The following XRCC1 variants were observed in gnomAD, a reference collection of about 807,000 sequenced individuals.
XRCC1 encodes the protein X-ray repair cross complementing 1, also known as DNA repair protein XRCC1.
A neutral mutation model predicts 83.3 loss-of-function variants in XRCC1; 52 were observed. The ratio of observed to expected loss-of-function variants is 0.62; its 90% CI spans 0.50 to 0.79. The LOEUF is 0.79. Among genes scored for constraint, XRCC1 ranks in the 30% least tolerant of loss-of-function variants. The probability of loss-of-function intolerance (pLI) is 0.00; values close to 1 mark genes in which losing one functional copy is unlikely to be tolerated. For missense variants in XRCC1, 793 were observed against 823.5 expected (o/e 0.96, Z 0.45); for synonymous variants, 281 against 312.6 (o/e 0.90, Z 1.07).
chr19:43,543,364 G>GTGTC lies in XRCC1; in HGVS notation c.*27_*28insGACA, dbSNP rs755650042. ...ATCGTGTGTGTGTGTGTGTGTGTGT[G>GTGTC]TGTGTGTGTGTGTGTATAGCACATA... On this transcript the variant is annotated 3_prime_UTR_variant, in exon 17 of 17. Coordinates refer to ENST00000262887, the MANE Select transcript of XRCC1 (RefSeq NM_006297.3). 5.0e-6 allele frequency: 7 copies of GTGTC among 1,405,660 alleles called. No individual in the cohort carries two copies. The African/African-American group carries it at 8.7e-5, about 17-fold the overall frequency. 87.1% of individuals were successfully genotyped at this position (1,405,660 alleles called of 1,614,324 possible). A position where few individuals can be genotyped will look rare whatever the true frequency, so the allele number is the denominator to read the frequency against.
chr19:43,564,784 G>A (rs1018556902), intron 2 of XRCC1, among the ~76,000 whole-genome samples: 1 of 131,918 alleles, frequency 7.6e-6, no homozygotes, highest in Non-Finnish European at 1.7e-5. Context: ...GCGAAACTCC[G>A]TCTCAAAAAA....
At chr19:43,570,949 G>A (rs941247422) in intron 2 of XRCC1, among the ~76,000 whole-genome samples, 1 of 152,204 alleles carries the variant, frequency 6.6e-6, no homozygotes, top group Non-Finnish European at 1.5e-5. Context: ...AAGGGTCTCT[G>A]ACGTGGAGTA....
In XRCC1 at chr19:43,543,341, C is replaced by CGTGTGTGTGTGTGTGTGTGT. The variant is rs45592142; in HGVS notation, c.*31_*50dup. The CGTGTGTGTGTGTGTGTGTGT allele has an allele frequency of 4.7e-5, 49 of 1,044,552 alleles. 1 individual carries two copies. In the African/African-American group the frequency reaches 6.4e-4, roughly 14 times the overall value. 64.7% of individuals were successfully genotyped at this position (1,044,552 alleles called of 1,614,324 possible). Reference sequence around the variant, plus strand: ...ACCAACTCATCTTTATTAAATGCATCGTGTGTGTGTGTGTGTGTGTGTGTG... The same window carrying CGTGTGTGTGTGTGTGTGTGT: ...ACCAACTCATCTTTATTAAATGCATCGTGTGTGTGTGTGTGTGTGTGTGTGTGTGTGTGTGTGTGTGTGTG... On this transcript the variant is annotated 3_prime_UTR_variant, in exon 17 of 17. Transcript: ENST00000262887.
chr19:43,556,615 C>T (rs1303675346), intron 3 of XRCC1, among the ~76,000 whole-genome samples: 1 of 152,036 alleles, frequency 6.6e-6, no homozygotes, highest in Non-Finnish European at 1.5e-5. Context: ...ACCAGCCTGG[C>T]CAACATGGTA....
chr19:43,575,333 C>T, intron 1 of XRCC1, 75 bp downstream of exon 1: 1 of 1,461,072 alleles, frequency 6.8e-7, no homozygotes. Context: ...TCCAAGAGAA[C>T]CCCAAAAGCT....
chr19:43,553,321 G>A lies in XRCC1; in HGVS notation c.601+80C>T, dbSNP rs989944781. The stretch of plus-strand genomic sequence containing the variant: ...TCCTCCCTCAGACCCAGGAATCTGA[G>A]CCCCAGCCCCCTCTACCCTCAGACC... On this transcript the variant is annotated intron_variant, in intron 6 of 16. Transcript: ENST00000262887. 15 of 1,500,578 alleles carry A rather than the reference G, an allele frequency of 1.0e-5. No individual in the cohort carries two copies. The Admixed American group carries it at 2.5e-4, about 25-fold the overall frequency. 93.0% of individuals were successfully genotyped at this position (1,500,578 alleles called of 1,614,324 possible).
Position 43,545,892 on chromosome 19 carries a change from G to A in XRCC1, c.1547C>T (p.Ala516Val). ...GTCCGTGTTCTCATCCGTGGAGCCT[G>A]CATACGGGTCTTCCCCATTCTCCTC... The part of the protein sequence containing the change: ...GQEENGEDPY[A>V]GSTDENTDSE... The change falls in exon 14 of 17, where the codon GCA becomes GTA. Residue 516 changes from alanine to valine, a missense_variant. By Grantham distance (64) the Ala-to-Val change is moderately conservative. Transcript: ENST00000262887. 1 of 1,613,988 alleles carries A rather than the reference G, an allele frequency of 6.2e-7. No individual in the cohort carries two copies. Among genetic ancestry groups the A allele is most frequent in the Admixed American group, 1.7e-5 (1 of 60,002 alleles).
chr19:43,568,241 A>G (rs1972772956), intron 2 of XRCC1, among the ~76,000 whole-genome samples: 1 of 151,996 alleles, frequency 6.6e-6, no homozygotes, highest in Non-Finnish European at 1.5e-5. Flanking sequence ...TGACGCCTGT[A>G]ATCCCAACAC....
intron 4 of XRCC1, 73 bp downstream of exon 4, chr19:43,554,573 A>C: frequency 1.3e-5 from 20 of 1,506,044 alleles, no homozygotes; most frequent in Non-Finnish European, 1.5e-5. Flanking sequence ...GCCCTATGGG[A>C]CTCAATATTG....
rs2146049227 is a variant in XRCC1 at position 43,551,675 on chromosome 19, G to A, written c.1095C>T (p.Ala365=). The A allele has an allele frequency of 6.2e-7, 1 of 1,614,118 alleles. No individual in the cohort carries two copies. Among genetic ancestry groups the A allele is most frequent in the Non-Finnish European group, 8.5e-7 (1 of 1,180,014 alleles). The change falls in exon 10 of 17, where the codon GCC becomes GCT. Residue 365 remains alanine (A), a synonymous_variant. Coordinates refer to ENST00000262887, the MANE Select transcript of XRCC1 (RefSeq NM_006297.3). The part of the protein sequence containing the change: ...RDSTHLICAF[A]NTPKYSQVLG... ...GGACCTGGCTGTACTTGGGGGTGTTGGCAAAGGCACAGCTGGTGGGGGGCA... is the reference window on the plus strand; with the variant it reads ...GGACCTGGCTGTACTTGGGGGTGTTAGCAAAGGCACAGCTGGTGGGGGGCA...
intron 2 of XRCC1, among the ~76,000 whole-genome samples, chr19:43,564,192 C>T (rs911401260): frequency 6.6e-6 from 1 of 152,142 alleles, no homozygotes; most frequent in African/African-American, 2.4e-5. Context: ...ATGTCAGCTG[C>T]GAATATCATT....
chr19:43,569,475 C>CA (rs34545606), intron 2 of XRCC1, among the ~76,000 whole-genome samples: 57,689 of 129,622 alleles, frequency 0.45, 12,399 homozygotes, highest in East Asian at 0.58. Flanking sequence ...GACCCTGTCT[C>CA]AAAAAAAAAA....
rs3213392 is a variant in XRCC1, at chr19:43,545,374, G to A, written c.1621+444C>T. On this transcript the variant is annotated intron_variant, in intron 14 of 16. Coordinates refer to ENST00000262887, the MANE Select transcript of XRCC1 (RefSeq NM_006297.3). ...CACAATGTGTGCAGACAGCATCCAC[G>A]TCCAGAGTGATGGCTGATGTTAAAG... Among the ~76,000 whole-genome samples the A allele has an allele frequency of 2.6e-3, 401 of 152,246 alleles. 2 individuals carry two copies. Among genetic ancestry groups the A allele is most frequent in the African/African-American group, 9.0e-3 (372 of 41,552 alleles).
intron 3 of XRCC1, among the ~76,000 whole-genome samples, chr19:43,558,655 A>AATAAATAC (rs1568515664): frequency 2.6e-5 from 4 of 151,020 alleles, no homozygotes; most frequent in African/African-American, 7.3e-5. Context: ...TAAATAAATA[A>AATAAATAC]ATACATATAT....
In XRCC1 at chr19:43,552,087, G is replaced by A. The variant is rs371095487; in HGVS notation, c.1012C>T (p.Leu338=). Residue 338 remains leucine, a synonymous_variant, in exon 9 of 17, where the codon CTG becomes TTG. Transcript: ENST00000262887. ...SGFQNPFRSE[L]RDKALELGAK... is the part of the protein sequence containing the mutation. ...CCAAGCTCTAGGGCCTTATCTCGCA[G>A]CTCGGAGCGGAAGGGGTTCTGGAAG... 1 of 1,614,100 alleles carries A rather than the reference G, an allele frequency of 6.2e-7. No homozygotes were observed. Among genetic ancestry groups the A allele is most frequent in the Non-Finnish European group, 8.5e-7 (1 of 1,179,998 alleles).
Position 43,575,427 on chromosome 19 carries a change from G to A in XRCC1, c.32C>T (p.Ser11Phe), listed in dbSNP as rs765712118. The change falls in exon 1 of 17, where the codon TCC becomes TTC. Residue 11 changes from serine to phenylalanine, a missense_variant. Transcript: ENST00000262887. MPEIRLRHVV[S>F]CSSQDSTHCA... ...CCTCACCGAGTCCTGGCTGCTGCAG[G>A]ACACGACATGGCGGAGGCGGATCTC... The A allele has an allele frequency of 6.2e-7, 1 of 1,611,570 alleles. No individual in the cohort carries two copies. The highest frequency in any genetic ancestry group is 8.5e-7 in the Non-Finnish European group (1 of 1,178,116).
In XRCC1 at chr19:43,543,663, G is replaced by A. The variant is rs2146039821; in HGVS notation, c.1737C>T (p.Asp579=). Residue 579 remains aspartate (D), a synonymous_variant, in exon 16 of 17, where the codon GAC becomes GAT. Transcript: ENST00000262887. ...GTGCTGTGATCACAAACTGAACCCG[G>A]TCACTCATATAGTCCTCGAGCTCCC... ...FNGELEDYMS[D]RVQFVITAQE... 1 of 1,613,926 alleles carries A rather than the reference G, an allele frequency of 6.2e-7. No homozygotes were observed. The highest frequency in any genetic ancestry group is 8.5e-7 in the Non-Finnish European group (1 of 1,180,000).
chr19:43,554,544 C>T, intron 4 of XRCC1, 102 bp downstream of exon 4: 1 of 1,401,958 alleles, frequency 7.1e-7, no homozygotes, highest in Non-Finnish European at 9.5e-7. Flanking sequence ...CATGGGACAC[C>T]AGCTGTCTAC....
intron 12 of XRCC1, 91 bp from the exon 13 acceptor site, chr19:43,546,197 T>C (rs1163470138): frequency 3.7e-5 from 54 of 1,461,038 alleles, no homozygotes; most frequent in Middle Eastern, 4.5e-4. Flanking sequence ...AGGCATCTCA[T>C]GCCCCCAGCC....
Sources: allele counts gnomAD v4.1 joint callset (sites outside exome capture counted in the v4.1 genomes callset), GRCh38; gene constraint gnomAD v4.1.1; transcripts MANE v1.5; gene names NCBI Gene and HGNC (gene_info 2026-07-23, HGNC 2026-07-21).